The following ART1 variants were observed in gnomAD, a reference collection of about 807,000 sequenced individuals.
The protein encoded by ART1 is ADP-ribosyltransferase 1, also known as GPI-linked NAD(P)(+)--arginine ADP-ribosyltransferase 1.
In ART1, 29 loss-of-function variants were observed where a neutral mutation model predicts 27.0. The observed-to-expected ratio is 1.08, with a 90% CI of 0.80 to 1.47. The LOEUF is 1.47. ART1 is among the 40% of genes most tolerant of loss of function. The pLI, the probability that ART1 is intolerant of heterozygous loss-of-function variation, is 0.00. For synonymous variants in ART1, 201 were observed against 172.2 expected (o/e 1.17, Z -1.31); for missense variants, 480 against 423.0 (o/e 1.13, Z -1.18).
intron 3 of ART1, among the ~76,000 whole-genome samples, chr11:3,660,744 T>G (rs1336360545): frequency 3.9e-5 from 6 of 152,050 alleles, no homozygotes; most frequent in Admixed American, 1.3e-4. Context: ...CAGAAATGAG[T>G]AGGAGTCCCA....
At chr11:3,650,816 C>T (rs59449918) in intron 1 of ART1, among the ~76,000 whole-genome samples, 23,827 of 140,250 alleles carry the variant, frequency 0.17, 2,438 homozygotes, top group African/African-American at 0.26. Flanking sequence ...CCTTGTATCT[C>T]CCCACCTTAA....
intron 1 of ART1, among the ~76,000 whole-genome samples, chr11:3,649,124 C>G (rs1165883981): frequency 6.6e-6 from 1 of 152,080 alleles, no homozygotes; most frequent in African/African-American, 2.4e-5. Context: ...CTCCGTTTCT[C>G]TACTCTCTCT....
In ART1 at chr11:3,659,343, G is replaced by T. The variant is rs191583760; in HGVS notation, c.63+67G>T. 2.9e-3 allele frequency: 4,597 copies of T among 1,599,694 alleles called. 12 individuals carry two copies. Among genetic ancestry groups the T allele is most frequent in the Non-Finnish European group, 3.3e-3 (3,893 of 1,168,310 alleles). On this transcript the variant is annotated intron_variant, in intron 2 of 4. Coordinates refer to ENST00000250693, the MANE Select transcript of ART1 (RefSeq NM_004314.3). Reference sequence around the variant, plus strand: ...AGCCATCGGCTTCTTCTGAACCCTGGAGGGAGAAAGAGAGAGAGGAAAGAA... The same window carrying T: ...AGCCATCGGCTTCTTCTGAACCCTGTAGGGAGAAAGAGAGAGAGGAAAGAA...
chr11:3,660,622 C>T (rs373559116), intron 3 of ART1, among the ~76,000 whole-genome samples: 5 of 152,332 alleles, frequency 3.3e-5, no homozygotes, highest in South Asian at 2.1e-4. Context: ...GCCAACGCAG[C>T]GGTCTCTGGC....
At position 3,660,042 on chromosome 11, in the gene ART1, C is replaced by T. The variant is rs1212567655; in HGVS notation, c.523C>T (p.His175Tyr). 2 of 1,613,618 alleles carry T rather than the reference C, an allele frequency of 1.2e-6. No homozygotes were observed. Among genetic ancestry groups the T allele is most frequent in the Admixed American group, 3.3e-5 (2 of 59,998 alleles). ...LGSGQRPPRC[H>Y]QVFRGVHGLR... Reference sequence around the variant, plus strand: ...CAGCGGCCAGCGTCCACCCCGGTGCCACCAGGTGTTCCGAGGTGTGCACGG... The same window carrying T: ...CAGCGGCCAGCGTCCACCCCGGTGCTACCAGGTGTTCCGAGGTGTGCACGG... The change falls in exon 3 of 5, where the codon CAC becomes TAC. Residue 175 changes from histidine (H) to tyrosine (Y), a missense_variant. Coordinates refer to ENST00000250693, the MANE Select transcript of ART1 (RefSeq NM_004314.3).
At chr11:3,655,133 C>G (rs1046640338) in intron 1 of ART1, among the ~76,000 whole-genome samples, 3 of 152,202 alleles carry the variant, frequency 2.0e-5, no homozygotes, top group Non-Finnish European at 1.5e-5. Context: ...CAGCTGGGGT[C>G]TTCCTTGCTC....
chr11:3,660,101 C>T lies in ART1; in HGVS notation c.582C>T (p.Thr194=), dbSNP rs759645257. Residue 194 remains threonine (T), a synonymous_variant, in exon 3 of 5, where the codon ACC becomes ACT. Coordinates refer to ENST00000250693, the MANE Select transcript of ART1 (RefSeq NM_004314.3). Reference sequence around the variant, plus strand: ...TCCGGCCAGCAGGGCCCCGGGCCACCGTGAGGCTGGGGGGCTTTGCTTCTG... The same window carrying T: ...TCCGGCCAGCAGGGCCCCGGGCCACTGTGAGGCTGGGGGGCTTTGCTTCTG... ...LRFRPAGPRA[T]VRLGGFASAS... 7.8e-5 allele frequency: 126 copies of T among 1,613,668 alleles called. No individual in the cohort carries two copies. The highest frequency in any genetic ancestry group is 4.7e-4 in the Admixed American group (28 of 59,976).
At chr11:3,661,322 C>T (rs1220435778) in intron 3 of ART1, 50 bp from the exon 4 acceptor site, 1 of 1,572,196 alleles carries the variant, frequency 6.4e-7, no homozygotes, top group Non-Finnish European at 8.7e-7. Context: ...GGTCCCTTTC[C>T]ATCCTGACAG....
chr11:3,652,930 T>C (rs2077536737), intron 1 of ART1, among the ~76,000 whole-genome samples: 1 of 149,138 alleles, frequency 6.7e-6, no homozygotes, highest in Non-Finnish European at 1.5e-5. Flanking sequence ...TTTATACCTG[T>C]TTTTCTCCTT....
At chr11:3,654,929 C>G (rs1025095458) in intron 1 of ART1, among the ~76,000 whole-genome samples, 1 of 152,218 alleles carries the variant, frequency 6.6e-6, no homozygotes, top group Non-Finnish European at 1.5e-5. Context: ...CAGACAGAAA[C>G]AGAGCTGTGG....
intron 1 of ART1, among the ~76,000 whole-genome samples, chr11:3,656,243 G>A (rs1360836899): frequency 6.6e-6 from 1 of 151,932 alleles, no homozygotes; most frequent in African/African-American, 2.4e-5. Context: ...CCAGGGAAGT[G>A]GGTTTTCATA....
At chr11:3,655,126 C>T (rs998189425) in intron 1 of ART1, among the ~76,000 whole-genome samples, 1 of 152,204 alleles carries the variant, frequency 6.6e-6, no homozygotes, top group Non-Finnish European at 1.5e-5. Flanking sequence ...TCTGGCTCAG[C>T]TGGGGTCTTC....
intron 1 of ART1, among the ~76,000 whole-genome samples, chr11:3,650,855 T>A (rs2077516140): frequency 7.6e-6 from 1 of 131,208 alleles, no homozygotes; most frequent in South Asian, 2.4e-4. Flanking sequence ...CTCTACTTCC[T>A]CCTTCGCGAC....
At chr11:3,654,788 C>T (rs2077556334) in intron 1 of ART1, among the ~76,000 whole-genome samples, 1 of 151,084 alleles carries the variant, frequency 6.6e-6, no homozygotes, top group Non-Finnish European at 1.5e-5. Context: ...CTTGTAAATT[C>T]CACCTCCTAC....
intron 1 of ART1, among the ~76,000 whole-genome samples, chr11:3,646,115 G>A (rs938490678): frequency 2.6e-5 from 4 of 151,600 alleles, no homozygotes; most frequent in African/African-American, 7.3e-5. Context: ...TTTCATCTCT[G>A]CATTTTTACT....
chr11:3,661,450 G>A (rs775157240), intron 4 of ART1, 37 bp downstream of exon 4: 6 of 1,561,712 alleles, frequency 3.8e-6, no homozygotes, highest in East Asian at 2.3e-5. Context: ...TCAGTTCAGG[G>A]ATGAGCAGGC....
chr11:3,652,315 T>C (rs1010804781), intron 1 of ART1, among the ~76,000 whole-genome samples: 2 of 150,714 alleles, frequency 1.3e-5, no homozygotes, highest in African/African-American at 5.0e-5. Flanking sequence ...AGTTTAGCCT[T>C]CCCACCTCTA....
chr11:3,658,334 GA>G (rs565452996), intron 1 of ART1, among the ~76,000 whole-genome samples: 4,674 of 128,314 alleles, frequency 0.036, 227 homozygotes, highest in African/African-American at 0.12. Flanking sequence ...CTTGGTCTCG[GA>G]AAAAAAAAAA....
Position 3,648,218 on chromosome 11 carries a change from C to T in ART1, c.-53+3039C>T, listed in dbSNP as rs994539047. Among the ~76,000 whole-genome samples, 387 of 151,912 alleles carry T rather than the reference C, an allele frequency of 2.5e-3. 3 individuals carry two copies. Among genetic ancestry groups the T allele is most frequent in the Non-Finnish European group, 3.6e-3 (247 of 67,968 alleles). On this transcript the variant is annotated intron_variant, in intron 1 of 4. Transcript: ENST00000250693. ...TATCTCCCTTCGCTGACTCTCTTTT[C>T]GGACTCAGTCCACCTGCACCCAGGT...
Sources: gnomAD v4.1 joint callset for allele counts (sites outside exome capture counted in the v4.1 genomes callset) on GRCh38, gnomAD v4.1.1 for gene constraint, MANE v1.5 for transcripts, NCBI Gene and HGNC (gene_info 2026-07-23, HGNC 2026-07-21) for gene names.